Variants in RPP30 observed in about 807,000 individuals in gnomAD.
The protein encoded by RPP30 is ribonuclease P protein subunit p30.
In RPP30, 36 loss-of-function variants were observed where a neutral mutation model predicts 38.6. That is an observed-to-expected ratio of 0.93 (90% CI 0.71 to 1.23). The LOEUF (loss-of-function observed/expected upper bound fraction) is 1.23. Ranked by LOEUF, RPP30 falls within the 50% of genes most tolerant of loss-of-function variation. The probability of loss-of-function intolerance (pLI) is 0.00; values close to 1 mark genes in which losing one functional copy is unlikely to be tolerated. For synonymous variants in RPP30, 126 were observed against 112.7 expected (o/e 1.12, Z -0.75); for missense variants, 321 against 321.7 (o/e 1.00, Z 0.02).
intron 5 of RPP30, 84 bp from the exon 6 acceptor site, chr10:90,885,728 C>A: frequency 2.5e-6 from 2 of 808,100 alleles, no homozygotes; most frequent in Non-Finnish European, 4.2e-6. Context: ...GTGAACCATA[C>A]TTTATATCGA....
intron 10 of RPP30, among the ~76,000 whole-genome samples, chr10:90,896,920 T>G (rs1847145710): frequency 6.6e-6 from 1 of 152,186 alleles, no homozygotes; most frequent in South Asian, 2.1e-4. Flanking sequence ...TTTTTTATTT[T>G]TTTTTCTTTT....
At chr10:90,880,978 G>A (rs897526545) in intron 5 of RPP30, among the ~76,000 whole-genome samples, 7 of 152,102 alleles carry the variant, frequency 4.6e-5, no homozygotes, top group African/African-American at 1.7e-4. Flanking sequence ...AAGACCATGG[G>A]CATTTCCAAG....
At chr10:90,880,432 A>G (rs1846911847) in intron 5 of RPP30, among the ~76,000 whole-genome samples, 1 of 152,174 alleles carries the variant, frequency 6.6e-6, no homozygotes, top group African/African-American at 2.4e-5. Context: ...CTTCCTTTAA[A>G]AAATGCAATT....
At chr10:90,872,961 T>A (rs1271958796) in intron 1 of RPP30, among the ~76,000 whole-genome samples, 3 of 152,230 alleles carry the variant, frequency 2.0e-5, no homozygotes, top group Non-Finnish European at 4.4e-5. Context: ...AAGACGAAAG[T>A]AGACATGATG....
chr10:90,882,325 A>G (rs1846939781), intron 5 of RPP30, among the ~76,000 whole-genome samples: 2 of 152,330 alleles, frequency 1.3e-5, no homozygotes, highest in Admixed American at 6.5e-5. Flanking sequence ...CTCTCATTAT[A>G]CCAGTGTGCC....
At chr10:90,872,184 T>C in intron 1 of RPP30, 116 bp downstream of exon 1, 1 of 898,110 alleles carries the variant, frequency 1.1e-6, no homozygotes, top group Non-Finnish European at 1.8e-6. Flanking sequence ...GTCTCTGGGA[T>C]GTCCCTGGAG....
intron 4 of RPP30, 102 bp from the exon 5 acceptor site, chr10:90,878,961 A>G: frequency 1.1e-6 from 1 of 925,036 alleles, no homozygotes; most frequent in Non-Finnish European, 1.7e-6. Context: ...AGTATATTAG[A>G]AGTGTTCCAT....
intron 5 of RPP30, among the ~76,000 whole-genome samples, chr10:90,881,321 T>G (rs2120194902): frequency 6.6e-6 from 1 of 152,348 alleles, no homozygotes; most frequent in Non-Finnish European, 1.5e-5. Context: ...TGATTTGCTC[T>G]AAATCTCCCA....
chr10:90,902,691 T>C (rs1424157880), downstream of RPP30, among the ~76,000 whole-genome samples: 1 of 152,230 alleles, frequency 6.6e-6, no homozygotes, highest in Non-Finnish European at 1.5e-5. Context: ...AGTAGAATAA[T>C]ATTGTATGCA....
rs1847192704 is a variant in RPP30, at chr10:90,900,939, A to C, written c.*260A>C. 28 of 1,159,884 alleles carry C rather than the reference A, an allele frequency of 2.4e-5. No individual in the cohort carries two copies. In the South Asian group the frequency reaches 8.7e-4, roughly 36 times the overall value. The allele number at this position is 1,159,884 out of a possible 1,614,324, so 71.8% of individuals were successfully genotyped here. A position where few individuals can be genotyped will look rare whatever the true frequency, so the allele number is the denominator to read the frequency against. ...GTTATTTCTCCTTTGTGTAAGTGAT[A>C]AACAACAGCAAATATACTTGAATAA... On this transcript the variant is annotated 3_prime_UTR_variant, in exon 11 of 11. Coordinates refer to ENST00000371703, the MANE Select transcript of RPP30 (RefSeq NM_006413.5).
Position 90,896,347 on chromosome 10 carries a change from A to G in RPP30, c.652A>G (p.Lys218Glu). The stretch of plus-strand genomic sequence containing the variant: ...GTTTGGGCTCTCTGAAAGTGACGCC[A>G]AGGCTGCGGTGTCCACCAACTGCCG... ...LLFGLSESDA[K>E]AAVSTNCRAA... is the part of the protein sequence containing the mutation. Residue 218 changes from lysine to glutamate, a missense_variant, in exon 10 of 11, where the codon AAG becomes GAG. Lys to Glu is a moderately conservative substitution (Grantham distance 56). Transcript: ENST00000371703. 2 of 1,614,140 alleles carry G rather than the reference A, an allele frequency of 1.2e-6. No homozygotes were observed. Among genetic ancestry groups the G allele is most frequent in the Non-Finnish European group, 1.7e-6 (2 of 1,179,982 alleles).
rs920710724 is a variant in RPP30, at chr10:90,901,168, G to A, written c.*489G>A. 6.4e-5 allele frequency: 7 copies of A among 109,778 alleles called. No homozygotes were observed. The East Asian group carries it at 1.6e-3, about 25-fold the overall frequency. 6.8% of individuals were successfully genotyped at this position (109,778 alleles called of 1,614,324 possible). On this transcript the variant is annotated 3_prime_UTR_variant, in exon 11 of 11. Transcript: ENST00000371703. ...TTTTTTTTTTTTTTTTTTTTCCCTT[G>A]TAGAGACATGGTCTCACTATGTTGC... is the stretch of plus-strand genomic sequence containing the variant.
chr10:90,872,636 C>T (rs1355889982), intron 1 of RPP30, among the ~76,000 whole-genome samples: 1 of 152,144 alleles, frequency 6.6e-6, no homozygotes, highest in Non-Finnish European at 1.5e-5. Flanking sequence ...AGACGAGAAC[C>T]TGTTTTAACT....
At chr10:90,894,751 C>G in intron 6 of RPP30, 24 bp from the exon 7 acceptor site, 1 of 1,536,408 alleles carries the variant, frequency 6.5e-7, no homozygotes, top group African/African-American at 1.4e-5. Context: ...TTATCTCTGA[C>G]AGTTCTCTTT....
At chr10:90,881,348 G>C (rs564278903) in intron 5 of RPP30, among the ~76,000 whole-genome samples, 2 of 152,318 alleles carry the variant, frequency 1.3e-5, no homozygotes, top group South Asian at 4.1e-4. Flanking sequence ...TTGTTCTAAA[G>C]ATAGGACTTT....
chr10:90,902,738 A>G (rs1267432194), downstream of RPP30, among the ~76,000 whole-genome samples: 1 of 152,210 alleles, frequency 6.6e-6, no homozygotes, highest in Admixed American at 6.5e-5. Flanking sequence ...TTTTTTGTGT[A>G]TATTAAATGT....
chr10:90,882,780 A>T (rs955783961), intron 5 of RPP30, among the ~76,000 whole-genome samples: 9 of 152,228 alleles, frequency 5.9e-5, no homozygotes, highest in African/African-American at 2.2e-4. Flanking sequence ...CCTGGGCAAC[A>T]TAGTGAGACC....
At position 90,900,884 on chromosome 10, in the gene RPP30, A is replaced by G. The variant is rs1847192145; in HGVS notation, c.*205A>G. 3 of 1,294,676 alleles carry G rather than the reference A, an allele frequency of 2.3e-6. No homozygotes were observed. The highest frequency in any genetic ancestry group is 2.9e-6 in the Non-Finnish European group (3 of 1,023,408). The allele number at this position is 1,294,676 out of a possible 1,614,324, so 80.2% of individuals were successfully genotyped here. On this transcript the variant is annotated 3_prime_UTR_variant, in exon 11 of 11. Transcript: ENST00000371703. Reference sequence around the variant, plus strand: ...TTTTAAAAGGCTGCCAGCTTAATGAATTTAGATGTACTTTAAGAGAGAAAG... The same window carrying G: ...TTTTAAAAGGCTGCCAGCTTAATGAGTTTAGATGTACTTTAAGAGAGAAAG...
At chr10:90,888,722 A>T (rs936852548) in intron 6 of RPP30, among the ~76,000 whole-genome samples, 1 of 152,176 alleles carries the variant, frequency 6.6e-6, no homozygotes, top group African/African-American at 2.4e-5. Context: ...CCACCCCCTG[A>T]TTCCATTGGG....
Sources: allele counts gnomAD v4.1 joint callset (sites outside exome capture counted in the v4.1 genomes callset), GRCh38; gene constraint gnomAD v4.1.1; transcripts MANE v1.5; gene names NCBI Gene and HGNC (gene_info 2026-07-23, HGNC 2026-07-21).